CRPPA: variants seen among roughly 807,000 people sequenced by gnomAD.
CRPPA encodes the protein CDP-L-ribitol pyrophosphorylase A.
Under a neutral mutation model 52.0 loss-of-function variants are expected in CRPPA, and 43 were observed. The observed-to-expected ratio is 0.83, with a 90% CI of 0.65 to 1.07. The LOEUF (loss-of-function observed/expected upper bound fraction) is 1.07, where lower values mean the gene tolerates loss of function less well. CRPPA is among the 50% of genes least tolerant of loss of function. CRPPA has a pLI of 0.00. For synonymous variants in CRPPA, 250 were observed against 203.5 expected (o/e 1.23, Z -1.94); for missense variants, 629 against 551.7 (o/e 1.14, Z -1.40).
intron 9 of CRPPA, among the ~76,000 whole-genome samples, chr7:16,183,755 T>G (rs145108391): frequency 3.9e-5 from 6 of 152,176 alleles, no homozygotes; most frequent in African/African-American, 1.4e-4. Context: ...GCCCCGTTGA[T>G]AGAACAGAGA....
At chr7:16,200,290 T>G (rs1212841294) in intron 9 of CRPPA, among the ~76,000 whole-genome samples, 3 of 152,218 alleles carry the variant, frequency 2.0e-5, no homozygotes, top group Non-Finnish European at 2.9e-5. Context: ...ACTAAGTGAC[T>G]TAGTCTTCAT....
chr7:16,311,570 C>T (rs1785035046), intron 3 of CRPPA, among the ~76,000 whole-genome samples: 1 of 152,084 alleles, frequency 6.6e-6, no homozygotes, highest in Non-Finnish European at 1.5e-5. Context: ...TTTATCCCCT[C>T]ATCTAAGCTA....
At chr7:16,397,846 T>C (rs1001968894) in intron 2 of CRPPA, among the ~76,000 whole-genome samples, 1 of 152,130 alleles carries the variant, frequency 6.6e-6, no homozygotes, top group African/African-American at 2.4e-5. Flanking sequence ...GATCAACACG[T>C]AATCATCACG....
intron 9 of CRPPA, among the ~76,000 whole-genome samples, chr7:16,141,063 T>C (rs1034973272): frequency 1.3e-5 from 2 of 152,182 alleles, no homozygotes; most frequent in African/African-American, 2.4e-5. Flanking sequence ...CTTCTTTCCA[T>C]GTTGATTGGC....
At chr7:16,209,273 C>CTTGTTTTTTTGTTTTTTTTTTTTTTTTTT (rs1782058176) in intron 9 of CRPPA, 1 of 122,066 alleles carries the variant, frequency 8.2e-6, no homozygotes, top group Non-Finnish European at 1.8e-5. Context: ...TTCTAAGTGT[C>CTTGTTTTTTTGTTTTTTTTTTTTTTTTTT]TTTTTTTTTT....
rs944218334 is a variant in CRPPA at position 16,273,899 on chromosome 7, T to C, written c.933+4230A>G. 2.0e-5 allele frequency among the ~76,000 whole-genome samples: 3 copies of C among 152,158 alleles called. No homozygotes were observed. In the South Asian group the frequency reaches 6.2e-4, roughly 32 times the overall value. On this transcript the variant is annotated intron_variant, in intron 6 of 9. Transcript: ENST00000407010. ...TGGCCTCTGTACCTGCTCACCTGCA[T>C]GCTCCCTGTCCCATGAGAGGTGGAG...
At chr7:16,233,872 T>C (rs2128403833) in intron 8 of CRPPA, among the ~76,000 whole-genome samples, 1 of 152,318 alleles carries the variant, frequency 6.6e-6, no homozygotes, top group South Asian at 2.1e-4. Flanking sequence ...AGGTAACTTT[T>C]GTTCTACTTT....
At chr7:16,347,598 C>G (rs13235949) in intron 3 of CRPPA, among the ~76,000 whole-genome samples, 11,200 of 152,138 alleles carry the variant, frequency 0.074, 719 homozygotes, top group South Asian at 0.29. Context: ...TCCCCCTTCA[C>G]CCATAGACCC....
chr7:16,247,567 T>C (rs900646992), intron 8 of CRPPA, among the ~76,000 whole-genome samples: 4 of 152,068 alleles, frequency 2.6e-5, no homozygotes, highest in Non-Finnish European at 4.4e-5. Flanking sequence ...ATAGCAGATA[T>C]AATAAAGATG....
intron 8 of CRPPA, among the ~76,000 whole-genome samples, chr7:16,238,028 G>A (rs2128405200): frequency 6.6e-6 from 1 of 152,210 alleles, no homozygotes. Flanking sequence ...TAGATAGAAG[G>A]GAAAGGGACC....
chr7:16,316,898 C>T (rs575414243), intron 3 of CRPPA, among the ~76,000 whole-genome samples: 4 of 151,848 alleles, frequency 2.6e-5, no homozygotes, highest in Non-Finnish European at 5.9e-5. Context: ...TCTAAACACC[C>T]GATTGTAAAA....
At chr7:16,308,419 G>C in intron 4 of CRPPA, 104 bp downstream of exon 4, 1 of 662,046 alleles carries the variant, frequency 1.5e-6, no homozygotes, top group South Asian at 1.8e-5. Flanking sequence ...AAACCCGTGA[G>C]ACTCCCTTAA....
intron 9 of CRPPA, among the ~76,000 whole-genome samples, chr7:16,120,463 A>G (rs1347093470): frequency 6.6e-6 from 1 of 152,190 alleles, no homozygotes; most frequent in Non-Finnish European, 1.5e-5. Flanking sequence ...ATTGTACTAT[A>G]TAGATGTCAG....
chr7:16,239,488 T>C (rs894965442), intron 8 of CRPPA, among the ~76,000 whole-genome samples: 18 of 149,012 alleles, frequency 1.2e-4, no homozygotes, highest in African/African-American at 4.5e-4. Context: ...TTTGGTTCCA[T>C]CTTTGTAAAG....
At chr7:16,137,604 T>G (rs1334505654) in intron 9 of CRPPA, among the ~76,000 whole-genome samples, 1 of 152,186 alleles carries the variant, frequency 6.6e-6, no homozygotes, top group African/African-American at 2.4e-5. Flanking sequence ...AATCTTTTAT[T>G]AGCATATGAT....
chr7:16,137,000 C>T (rs1363099331), intron 9 of CRPPA, among the ~76,000 whole-genome samples: 1 of 152,192 alleles, frequency 6.6e-6, no homozygotes, highest in Non-Finnish European at 1.5e-5. Flanking sequence ...GAAAGTAGAA[C>T]TGAGATGCTC....
intron 2 of CRPPA, among the ~76,000 whole-genome samples, chr7:16,394,720 G>T (rs1787527507): frequency 6.6e-6 from 1 of 152,088 alleles, no homozygotes; most frequent in African/African-American, 2.4e-5. Context: ...AAATTACTAG[G>T]TTCTTGTCTA....
At chr7:16,232,458 T>G (rs937383224) in intron 8 of CRPPA, among the ~76,000 whole-genome samples, 1 of 152,142 alleles carries the variant, frequency 6.6e-6, no homozygotes, top group Non-Finnish European at 1.5e-5. Context: ...GCCCTTCCAC[T>G]AAGGGATGAT....
intron 9 of CRPPA, among the ~76,000 whole-genome samples, chr7:16,161,553 A>G (rs1783305757): frequency 6.6e-6 from 1 of 152,198 alleles, no homozygotes; most frequent in South Asian, 2.1e-4. Flanking sequence ...CATGGTGGAT[A>G]AGTTTTTTAA....
Sources: allele counts gnomAD v4.1 joint callset (sites outside exome capture counted in the v4.1 genomes callset), GRCh38; gene constraint gnomAD v4.1.1; transcripts MANE v1.5; gene names NCBI Gene and HGNC (gene_info 2026-07-23, HGNC 2026-07-21).